Variants in SDK1 observed in about 807,000 individuals in gnomAD.
SDK1 encodes the protein protein sidekick-1.
In SDK1, 157 loss-of-function variants were observed where a neutral mutation model predicts 245.5. The observed-to-expected ratio is 0.64, with a 90% CI of 0.56 to 0.73. SDK1 has a LOEUF of 0.73. Among genes scored for constraint, SDK1 ranks in the 30% least tolerant of loss-of-function variants. SDK1 has a pLI of 0.00. For synonymous variants in SDK1, 1,647 were observed against 1,278.5 expected, an observed-to-expected ratio of 1.29 and a Z score of -6.15; for missense variants, 3,583 against 3,002.3, an observed-to-expected ratio of 1.19 and a Z score of -4.52.
intron 1 of SDK1, among the ~76,000 whole-genome samples, chr7:3,531,323 G>A (rs919645440): frequency 5.3e-5 from 8 of 152,114 alleles, no homozygotes; most frequent in Non-Finnish European, 2.9e-5. Context: ...GTATTGAAAT[G>A]TTCACGCTTA....
intron 4 of SDK1, among the ~76,000 whole-genome samples, chr7:3,801,816 T>G (rs900017677): frequency 6.6e-6 from 1 of 152,190 alleles, no homozygotes; most frequent in Non-Finnish European, 1.5e-5. Context: ...TTTTCTCACC[T>G]CCGTCTTCAT....
At chr7:4,123,468 C>G (rs550664610) in intron 25 of SDK1, among the ~76,000 whole-genome samples, 6 of 152,282 alleles carry the variant, frequency 3.9e-5, no homozygotes, top group Middle Eastern at 3.4e-3. Flanking sequence ...CCTATGGGAG[C>G]TCTGTGCAGG....
Position 4,265,116 on chromosome 7 carries a change from C to T in SDK1, c.6382-8C>T, listed in dbSNP as rs1168193164. 6.2e-7 allele frequency: 1 copy of T among 1,609,568 alleles called. No individual in the cohort carries two copies. Among genetic ancestry groups the T allele is most frequent in the South Asian group, 1.1e-5 (1 of 90,744 alleles). On this transcript the variant is annotated splice_region_variant and splice_polypyrimidine_tract_variant and intron_variant, in intron 44 of 44. Transcript: ENST00000404826. ...CTGCACTCACACCTTCTCTCCCGCTCCCCGCAGGCCACGGACTCTGACTAC... is the reference window on the plus strand; with the variant it reads ...CTGCACTCACACCTTCTCTCCCGCTTCCCGCAGGCCACGGACTCTGACTAC...
chr7:4,240,384 C>G (rs901135848), intron 42 of SDK1, among the ~76,000 whole-genome samples: 2 of 152,122 alleles, frequency 1.3e-5, no homozygotes, highest in Non-Finnish European at 2.9e-5. Flanking sequence ...TGGCCTCACT[C>G]GACACCCCTC....
chr7:4,060,192 G>C (rs1304704417), intron 19 of SDK1, among the ~76,000 whole-genome samples: 1 of 152,108 alleles, frequency 6.6e-6, no homozygotes, highest in Non-Finnish European at 1.5e-5. Context: ...GAAATTTCTT[G>C]AAACAAATGA....
At position 4,065,562 on chromosome 7, in the gene SDK1, G is replaced by T. The variant is rs189303719; in HGVS notation, c.2912-2276G>T. Among the ~76,000 whole-genome samples the T allele has an allele frequency of 9.9e-5, 15 of 152,274 alleles. No homozygotes were observed. The East Asian group carries it at 2.7e-3, about 27-fold the overall frequency. ...AATGTCTTTCTGGAGGCTCACAATT[G>T]TGGGAGGATGAGATGGTCTTGACAG... On this transcript the variant is annotated intron_variant, in intron 19 of 44. Coordinates refer to ENST00000404826, the MANE Select transcript of SDK1 (RefSeq NM_152744.4).
Position 3,427,686 on chromosome 7 carries a change from T to G in SDK1, c.298+125802T>G, listed in dbSNP as rs180884004. ...ACTCCTTTCTAAGTTTGGATCAGTT[T>G]CCCGTATTTCATCCTTTGTGCTTTC... On this transcript the variant is annotated intron_variant, in intron 1 of 44. Coordinates refer to ENST00000404826, the MANE Select transcript of SDK1 (RefSeq NM_152744.4). Among the ~76,000 whole-genome samples the G allele has an allele frequency of 7.2e-5, 11 of 152,266 alleles. No individual in the cohort carries two copies. The East Asian group carries it at 1.9e-3, about 27-fold the overall frequency.
Position 4,217,537 on chromosome 7 carries a change from C to G in SDK1, c.5540-2572C>G, listed in dbSNP as rs1411490308. Reference sequence around the variant, plus strand: ...ACACCACCCGGAGCACCACACCACCCGGAGCACCAGGCCACCCGGAGAACC... The same window carrying G: ...ACACCACCCGGAGCACCACACCACCGGGAGCACCAGGCCACCCGGAGAACC... On this transcript the variant is annotated intron_variant, in intron 38 of 44. Coordinates refer to ENST00000404826, the MANE Select transcript of SDK1 (RefSeq NM_152744.4). Among the ~76,000 whole-genome samples, 7 of 137,422 alleles carry G rather than the reference C, an allele frequency of 5.1e-5. No individual in the cohort carries two copies. In the Admixed American group the frequency reaches 5.2e-4, roughly 10 times the overall value. 90.2% of individuals were successfully genotyped at this position (137,422 alleles called of 152,430 possible). A position where few individuals can be genotyped will look rare whatever the true frequency, so the allele number is the denominator to read the frequency against.
intron 4 of SDK1, among the ~76,000 whole-genome samples, chr7:3,808,686 G>C (rs1268341218): frequency 6.6e-6 from 1 of 152,104 alleles, no homozygotes; most frequent in Non-Finnish European, 1.5e-5. Context: ...TGATACATCA[G>C]TTTCTACCTG....
chr7:3,407,664 C>CT (rs567788800), intron 1 of SDK1, among the ~76,000 whole-genome samples: 3 of 152,176 alleles, frequency 2.0e-5, no homozygotes, highest in Non-Finnish European at 2.9e-5. Context: ...TATAAACTCC[C>CT]AAGCTGGATA....
chr7:4,244,981 G>T (rs1305115391), intron 43 of SDK1, among the ~76,000 whole-genome samples: 2 of 152,168 alleles, frequency 1.3e-5, no homozygotes, highest in Non-Finnish European at 2.9e-5. Context: ...CCAAGATAGG[G>T]TCTCCTAATG....
At chr7:3,927,653 A>T (rs960720103) in intron 5 of SDK1, among the ~76,000 whole-genome samples, 1 of 152,240 alleles carries the variant, frequency 6.6e-6, no homozygotes, top group Admixed American at 6.5e-5. Context: ...TGCAGCCAAG[A>T]GTCCATCTGT....
At chr7:4,245,395 T>C (rs887457554) in intron 43 of SDK1, among the ~76,000 whole-genome samples, 5 of 152,166 alleles carry the variant, frequency 3.3e-5, no homozygotes, top group African/African-American at 1.2e-4. Flanking sequence ...GTGCTGTTTG[T>C]ACGTGAGTGT....
At chr7:3,549,137 G>A (rs892539860) in intron 1 of SDK1, among the ~76,000 whole-genome samples, 4 of 152,346 alleles carry the variant, frequency 2.6e-5, no homozygotes, top group Non-Finnish European at 5.9e-5. Context: ...TGAGCTGTGT[G>A]AAGGCTTCCT....
At chr7:3,565,617 G>T (rs949134027) in intron 1 of SDK1, among the ~76,000 whole-genome samples, 2 of 152,136 alleles carry the variant, frequency 1.3e-5, no homozygotes, top group Non-Finnish European at 2.9e-5. Flanking sequence ...ATCTGGAGGG[G>T]AGTGGTTCTG....
chr7:3,374,404 A>G (rs1357384510), intron 1 of SDK1, among the ~76,000 whole-genome samples: 2 of 152,130 alleles, frequency 1.3e-5, no homozygotes, highest in Non-Finnish European at 2.9e-5. Flanking sequence ...CTTCACATAA[A>G]TCGTGTACTT....
intron 27 of SDK1, among the ~76,000 whole-genome samples, chr7:4,131,369 GCGT>G (rs1784805474): frequency 2.0e-5 from 3 of 152,208 alleles, no homozygotes; most frequent in Non-Finnish European, 4.4e-5. Context: ...TCTGAAGTCA[GCGT>G]TTGCGTATCT....
chr7:3,873,617 A>G (rs1781008341), intron 5 of SDK1, among the ~76,000 whole-genome samples: 5 of 152,160 alleles, frequency 3.3e-5, no homozygotes, highest in Admixed American at 3.3e-4. Flanking sequence ...CAGTGCTTGC[A>G]TGCTCCATTT....
At chr7:3,401,600 G>C (rs1332409812) in intron 1 of SDK1, among the ~76,000 whole-genome samples, 1 of 152,088 alleles carries the variant, frequency 6.6e-6, no homozygotes, top group Admixed American at 6.6e-5. Flanking sequence ...TGAGCCAGCC[G>C]TAGTTCACTG....
Sources: allele counts gnomAD v4.1 joint callset (sites outside exome capture counted in the v4.1 genomes callset), GRCh38; gene constraint gnomAD v4.1.1; transcripts MANE v1.5; gene names NCBI Gene and HGNC (gene_info 2026-07-23, HGNC 2026-07-21).